Variants in ZNF610 observed in about 807,000 individuals in gnomAD.
ZNF610 encodes zinc finger protein 610, also known as zink finger protein.
In ZNF610, 14 loss-of-function variants were observed where a neutral mutation model predicts 14.1. The ratio of observed to expected loss-of-function variants is 0.99; its 90% CI spans 0.65 to 1.55. ZNF610 has a LOEUF of 1.55. Ranked by LOEUF, ZNF610 falls within the 40% of genes most tolerant of loss-of-function variation. ZNF610 has a pLI of 0.00. For missense variants in ZNF610, 530 were observed against 558.0 expected, an observed-to-expected ratio of 0.95 and a Z score of 0.51; for synonymous variants, 185 against 187.6, an observed-to-expected ratio of 0.99 and a Z score of 0.11.
intron 1 of ZNF610, among the ~76,000 whole-genome samples, chr19:52,341,921 C>T (rs1445257285): frequency 6.6e-6 from 1 of 152,186 alleles, no homozygotes; most frequent in Non-Finnish European, 1.5e-5. Flanking sequence ...AACAATTCTC[C>T]CACCTCAGCC....
In ZNF610 at chr19:52,365,682, C is replaced by T; in HGVS notation, c.320-16C>T. 6.3e-7 allele frequency: 1 copy of T among 1,582,410 alleles called. No homozygotes were observed. Among genetic ancestry groups the T allele is most frequent in the Non-Finnish European group, 8.6e-7 (1 of 1,167,158 alleles). Reference sequence around the variant, plus strand: ...CAGAATCATGGGTTCATGTTCTACTCTTTCTTCTTTTCTAGGGAGGAGCTG... The same window carrying T: ...CAGAATCATGGGTTCATGTTCTACTTTTTCTTCTTTTCTAGGGAGGAGCTG... On this transcript the variant is annotated splice_polypyrimidine_tract_variant and intron_variant, in intron 5 of 5. Transcript: ENST00000403906.
At position 52,347,814 on chromosome 19, in the gene ZNF610, C is replaced by G. The variant is rs532204108; in HGVS notation, c.-150C>G. 7.2e-5 allele frequency: 11 copies of G among 152,282 alleles called. No homozygotes were observed. In the East Asian group the frequency reaches 1.9e-3, roughly 27 times the overall value. 9.4% of individuals were successfully genotyped at this position (152,282 alleles called of 1,614,324 possible). ...CTGGGATTACAGGCATGAGCCACTA[C>G]GCCTGGCCAAGTATTCGGTATTTAT... On this transcript the variant is annotated 5_prime_UTR_variant, in exon 2 of 6. It introduces an in-frame stop codon into an upstream open reading frame of the 5' UTR. Coordinates refer to ENST00000403906, the MANE Select transcript of ZNF610 (RefSeq NM_001161425.2).
At chr19:52,358,720 C>T (rs528926078) in intron 5 of ZNF610, among the ~76,000 whole-genome samples, 9 of 152,176 alleles carry the variant, frequency 5.9e-5, no homozygotes, top group Non-Finnish European at 1.3e-4. Context: ...TCCAGGGAAG[C>T]ATTATTGAAT....
intron 5 of ZNF610, among the ~76,000 whole-genome samples, chr19:52,355,497 C>T (rs950716907): frequency 4.6e-5 from 7 of 152,186 alleles, no homozygotes; most frequent in African/African-American, 1.7e-4. Flanking sequence ...GGGATTTCTC[C>T]CCATCGGCAA....
chr19:52,337,503 G>A (rs538599408), intron 1 of ZNF610, among the ~76,000 whole-genome samples: 80 of 151,746 alleles, frequency 5.3e-4, no homozygotes, highest in Non-Finnish European at 8.7e-4. Flanking sequence ...GGAAGAGAAG[G>A]AATAGAGGGA....
At chr19:52,357,450 C>A (rs940184988) in intron 5 of ZNF610, among the ~76,000 whole-genome samples, 1 of 151,998 alleles carries the variant, frequency 6.6e-6, no homozygotes, top group Non-Finnish European at 1.5e-5. Flanking sequence ...TCGAGATCAT[C>A]CTGGCTAACA....
intron 5 of ZNF610, among the ~76,000 whole-genome samples, chr19:52,363,225 G>A (rs768706242): frequency 6.6e-6 from 1 of 151,800 alleles, no homozygotes; most frequent in Non-Finnish European, 1.5e-5. Flanking sequence ...CACCTCCCAG[G>A]TTCAAGCGAT....
chr19:52,349,192 C>T lies in ZNF610; in HGVS notation c.20C>T (p.Ala7Val), dbSNP rs373140193. Reference protein sequence around the residue: MLCDEEAQKRKAKESGM... With the variant: MLCDEEVQKRKAKESGM... ...ACAGTCATGCTATGTGATGAAGAAG[C>T]CCAGAAGAGGAAAGCAAAGGAGTCA... The change falls in exon 3 of 6, where the codon GCC becomes GTC. Residue 7 changes from alanine (A) to valine (V), a missense_variant. Transcript: ENST00000403906. 2.5e-6 allele frequency: 4 copies of T among 1,612,716 alleles called. No individual in the cohort carries two copies. Among genetic ancestry groups the T allele is most frequent in the Non-Finnish European group, 3.4e-6 (4 of 1,179,826 alleles).
chr19:52,337,174 C>A (rs1362892769), intron 1 of ZNF610, among the ~76,000 whole-genome samples: 1 of 151,010 alleles, frequency 6.6e-6, no homozygotes, highest in Admixed American at 6.6e-5. Flanking sequence ...GGAGGCTCCT[C>A]AGACAGAGTA....
upstream of ZNF610, among the ~76,000 whole-genome samples, chr19:52,335,008 C>T (rs1275010385): frequency 1.4e-5 from 2 of 140,930 alleles, no homozygotes; most frequent in Admixed American, 7.2e-5. Context: ...TTAAAAGCAA[C>T]AGTTGGGCCG....
chr19:52,363,327 C>T (rs553561684), intron 5 of ZNF610, among the ~76,000 whole-genome samples: 11 of 152,146 alleles, frequency 7.2e-5, no homozygotes, highest in South Asian at 6.2e-4. Flanking sequence ...ATGGGGGTTT[C>T]GCCATGTTGG....
chr19:52,363,706 C>A (rs1002350408), intron 5 of ZNF610, among the ~76,000 whole-genome samples: 4 of 152,144 alleles, frequency 2.6e-5, no homozygotes, highest in Non-Finnish European at 4.4e-5. Flanking sequence ...TTACTATTTG[C>A]ATGGAATATC....
chr19:52,336,197 C>G (rs890452028), upstream of ZNF610: 11 of 182,472 alleles, frequency 6.0e-5, no homozygotes, highest in Non-Finnish European at 1.3e-4. Context: ...AGCCCCGCCC[C>G]GTCCCGTCCC....
rs57635280 is a variant in ZNF610, at chr19:52,345,950, C to T, written c.-257-1757C>T. On this transcript the variant is annotated intron_variant, in intron 1 of 5. Coordinates refer to ENST00000403906, the MANE Select transcript of ZNF610 (RefSeq NM_001161425.2). ...CGATCTCCTGACCTCGTGATCCACC[C>T]GCCTTGACCTCCCAAAGTGCTGGGA... is the stretch of plus-strand genomic sequence containing the variant. Among the ~76,000 whole-genome samples, 9 of 149,166 alleles carry T rather than the reference C, an allele frequency of 6.0e-5. No individual in the cohort carries two copies. The East Asian group carries it at 1.8e-3, about 29-fold the overall frequency.
At chr19:52,353,872 G>T (rs781301259) in intron 4 of ZNF610, 64 bp downstream of exon 4, 3 of 1,545,120 alleles carry the variant, frequency 1.9e-6, no homozygotes, top group East Asian at 2.3e-5. Context: ...TTTCTCTTGC[G>T]TGCCTCTTGG....
intron 5 of ZNF610, among the ~76,000 whole-genome samples, chr19:52,357,573 A>T (rs1361633041): frequency 1.6e-5 from 2 of 128,932 alleles, no homozygotes; most frequent in African/African-American, 5.8e-5. Flanking sequence ...TGAACCCGGG[A>T]GGCGGAGCTT....
chr19:52,364,986 C>G (rs1176469411), intron 5 of ZNF610, among the ~76,000 whole-genome samples: 1 of 152,002 alleles, frequency 6.6e-6, no homozygotes, highest in Non-Finnish European at 1.5e-5. Context: ...TGGCTCACGC[C>G]TGTAATCTCA....
upstream of ZNF610, among the ~76,000 whole-genome samples, chr19:52,334,960 A>ACACACACACACAG (rs59969071): frequency 0.011 from 1,453 of 136,544 alleles, 39 homozygotes; most frequent in African/African-American, 0.034. Flanking sequence ...CACACACACA[A>ACACACACACACAG]TGTAATTTAC....
At chr19:52,335,289 A>G (rs901559945), upstream of ZNF610, among the ~76,000 whole-genome samples, 1 of 152,152 alleles carries the variant, frequency 6.6e-6, no homozygotes, top group Non-Finnish European at 1.5e-5. Context: ...CAAGAAAAAA[A>G]AGCAGTTGGT....
Sources: allele counts gnomAD v4.1 joint callset (sites outside exome capture counted in the v4.1 genomes callset), GRCh38; gene constraint gnomAD v4.1.1; transcripts MANE v1.5; gene names NCBI Gene and HGNC (gene_info 2026-07-23, HGNC 2026-07-21).